The following KLF12 variants were observed in gnomAD, a reference collection of about 807,000 sequenced individuals.
KLF12 encodes the protein KLF transcription factor 12, also known as Krueppel-like factor 12.
KLF12 carries 9 observed loss-of-function variants against 37.8 expected under a neutral mutation model. The ratio of observed to expected loss-of-function variants is 0.24; its 90% confidence interval spans 0.14 to 0.42. The LOEUF is 0.42. KLF12 is among the 10% of genes least tolerant of loss of function. KLF12 has a pLI of 1.00. For missense variants in KLF12, 411 were observed against 516.0 expected (o/e 0.80, Z 1.97); for synonymous variants, 208 against 202.1 (o/e 1.03, Z -0.25).
chr13:74,023,452 G>A (rs1313941761), intron 1 of KLF12, among the ~76,000 whole-genome samples: 1 of 152,198 alleles, frequency 6.6e-6, no homozygotes, highest in Admixed American at 6.5e-5. Context: ...CAGTTATGGA[G>A]GCTGAAATTC....
At chr13:73,783,601 A>G (rs567344002) in intron 5 of KLF12, among the ~76,000 whole-genome samples, 76 of 152,248 alleles carry the variant, frequency 5.0e-4, no homozygotes, top group African/African-American at 1.7e-3. Context: ...ATAAATATGT[A>G]CAAGTATTAT....
chr13:73,739,538 T>C lies in KLF12; in HGVS notation c.870-24013A>G, dbSNP rs370726819. On this transcript the variant is annotated intron_variant, in intron 6 of 7. Coordinates refer to ENST00000377669, the MANE Select transcript of KLF12 (RefSeq NM_007249.5). ...TGAAGGCATAAAATCAATAAAAAAA[T>C]TAATGAGTATTATATCTCCATAAAG... Among the ~76,000 whole-genome samples the C allele has an allele frequency of 2.8e-4, 43 of 152,214 alleles. 1 individual carries two copies. In the South Asian group the frequency reaches 3.7e-3, roughly 13 times the overall value.
At chr13:73,768,268 T>G (rs778775896) in intron 5 of KLF12, among the ~76,000 whole-genome samples, 4 of 152,170 alleles carry the variant, frequency 2.6e-5, no homozygotes, top group Non-Finnish European at 5.9e-5. Flanking sequence ...TATAAAATCT[T>G]TAGAATGGTG....
intron 5 of KLF12, among the ~76,000 whole-genome samples, chr13:73,803,700 T>C (rs992466580): frequency 6.3e-4 from 96 of 151,638 alleles, no homozygotes; most frequent in African/African-American, 2.3e-3. Context: ...ATGGATACAG[T>C]GCTAGCTCTG....
At chr13:74,160,445 A>G in the KLF12 span, among the ~76,000 whole-genome samples, 4 of 152,350 alleles carry the variant, frequency 2.6e-5, no homozygotes, top group African/African-American at 9.6e-5. Context: ...AGAGAAGAGA[A>G]TAAGAAAACT....
At chr13:73,725,757 C>T (rs1438498311) in intron 6 of KLF12, among the ~76,000 whole-genome samples, 1 of 151,962 alleles carries the variant, frequency 6.6e-6, no homozygotes, top group African/African-American at 2.4e-5. Flanking sequence ...ACATGAATTA[C>T]AGCTATTATA....
intron 1 of KLF12, among the ~76,000 whole-genome samples, chr13:74,093,292 C>T (rs1456998987): frequency 6.6e-6 from 1 of 152,192 alleles, no homozygotes; most frequent in East Asian, 1.9e-4. Flanking sequence ...GTTGAAATGG[C>T]TATTTTTGAA....
chr13:73,881,937 G>A (rs1887002056), intron 3 of KLF12, among the ~76,000 whole-genome samples: 1 of 152,110 alleles, frequency 6.6e-6, no homozygotes, highest in African/African-American at 2.4e-5. Context: ...AAAATAAACA[G>A]GTAACTGGGT....
At chr13:74,204,926 T>A in the KLF12 span, among the ~76,000 whole-genome samples, 1 of 152,158 alleles carries the variant, frequency 6.6e-6, no homozygotes, top group African/African-American at 2.4e-5. Flanking sequence ...CTTTTGAGTG[T>A]TGGGCTTTTT....
chr13:73,977,761 C>T (rs941739131), intron 2 of KLF12, among the ~76,000 whole-genome samples: 1 of 152,110 alleles, frequency 6.6e-6, no homozygotes, highest in African/African-American at 2.4e-5. Flanking sequence ...CTGGTCTTGG[C>T]AAAAGAACAA....
chr13:74,257,064 G>C, the KLF12 span: 1 of 152,278 alleles, frequency 6.6e-6, no homozygotes, highest in African/African-American at 2.4e-5. Context: ...GGCAAGATTT[G>C]GAAGAATCTG....
chr13:73,896,709 T>C (rs1887786043), intron 3 of KLF12, among the ~76,000 whole-genome samples: 1 of 152,210 alleles, frequency 6.6e-6, no homozygotes, highest in Non-Finnish European at 1.5e-5. Context: ...CATTTTGTTA[T>C]TTAACCTAAA....
chr13:74,084,822 C>T (rs1284315788), intron 1 of KLF12, among the ~76,000 whole-genome samples: 1 of 90,632 alleles, frequency 1.1e-5, no homozygotes, highest in South Asian at 4.0e-4. Context: ...CACAAAGGAG[C>T]CAAAAAAAAA....
At chr13:73,806,108 T>C (rs1243554418) in intron 5 of KLF12, among the ~76,000 whole-genome samples, 176 of 129,008 alleles carry the variant, frequency 1.4e-3, no homozygotes, top group Non-Finnish European at 2.5e-3. Context: ...CCAGTTTTTT[T>C]TTTCTTTCTT....
chr13:74,172,340 G>A, the KLF12 span, among the ~76,000 whole-genome samples: 1 of 152,114 alleles, frequency 6.6e-6, no homozygotes, highest in African/African-American at 2.4e-5. Context: ...TTGGGAAAGA[G>A]GCTTTCAGAT....
intron 3 of KLF12, among the ~76,000 whole-genome samples, chr13:73,865,833 A>G (rs555971986): frequency 6.6e-6 from 1 of 152,338 alleles, no homozygotes; most frequent in African/African-American, 2.4e-5. Context: ...AGCGAAAAAT[A>G]CAGTATTTGA....
At chr13:73,771,111 A>G (rs1880238806) in intron 5 of KLF12, among the ~76,000 whole-genome samples, 1 of 152,090 alleles carries the variant, frequency 6.6e-6, no homozygotes, top group Admixed American at 6.5e-5. Flanking sequence ...GCTCAACTGT[A>G]AGATGCCCTC....
At chr13:73,898,734 A>G (rs1056242979) in intron 3 of KLF12, among the ~76,000 whole-genome samples, 4 of 152,344 alleles carry the variant, frequency 2.6e-5, no homozygotes, top group African/African-American at 9.6e-5. Flanking sequence ...AGAAAGGGTA[A>G]CTTACTATCT....
At chr13:74,302,231 T>G in the KLF12 span, among the ~76,000 whole-genome samples, 1 of 152,154 alleles carries the variant, frequency 6.6e-6, no homozygotes, top group Non-Finnish European at 1.5e-5. Flanking sequence ...CATTTCTATG[T>G]ATATAGTCAT....
Sources: allele counts gnomAD v4.1 joint callset (sites outside exome capture counted in the v4.1 genomes callset), GRCh38; gene constraint gnomAD v4.1.1; transcripts MANE v1.5; gene names NCBI Gene and HGNC (gene_info 2026-07-23, HGNC 2026-07-21).